Variants in REPS1 observed in about 807,000 individuals in gnomAD.
The protein encoded by REPS1 is ralBP1-associated Eps domain-containing protein 1.
A neutral mutation model predicts 100.9 loss-of-function variants in REPS1; 39 were observed. The ratio of observed to expected loss-of-function variants is 0.39; its 90% CI spans 0.30 to 0.50. REPS1 has a LOEUF of 0.50. REPS1 is among the 20% of genes least tolerant of loss of function. The pLI is 0.86. For synonymous variants in REPS1, 324 were observed against 340.3 expected (o/e 0.95, Z 0.53); for missense variants, 821 against 968.5 (o/e 0.85, Z 2.02).
chr6:138,962,244 G>A (rs1014471269), intron 1 of REPS1, among the ~76,000 whole-genome samples: 1 of 151,914 alleles, frequency 6.6e-6, no homozygotes, highest in Admixed American at 6.6e-5. Context: ...GGGAAAGAAG[G>A]GTAAAACCAA....
intron 9 of REPS1, chr6:138,928,732 TTAATG>T (rs1431387113): frequency 6.6e-6 from 1 of 152,230 alleles, no homozygotes; most frequent in Admixed American, 6.5e-5. Context: ...AAATATTCTT[TTAATG>T]TAATACTGGT....
rs772632131 is a variant in REPS1, at chr6:138,945,594, A to G, written c.381T>C (p.Ser127=). The change falls in exon 3 of 20, where the codon TCT becomes TCC. Residue 127 remains serine (S), a synonymous_variant. Transcript: ENST00000450536. Reference sequence around the variant, plus strand: ...TGCCAGGTGGTGGGGGAATTACACCAGAATACGACCCTTGATTTTCAGAAT... The same window carrying G: ...TGCCAGGTGGTGGGGGAATTACACCGGAATACGACCCTTGATTTTCAGAAT... ...SSDSENQGSY[S]GVIPPPPGRG... The G allele has an allele frequency of 2.5e-6, 4 of 1,613,820 alleles. No homozygotes were observed. Among genetic ancestry groups the G allele is most frequent in the Non-Finnish European group, 3.4e-6 (4 of 1,179,902 alleles).
chr6:138,916,353 TG>T (rs1780395157), intron 13 of REPS1: 1 of 214,798 alleles, frequency 4.7e-6, no homozygotes, highest in Admixed American at 6.2e-5. Flanking sequence ...CCCAAGTAAC[TG>T]GGATTACAGG....
At chr6:138,927,991 G>C (rs563391435) in intron 9 of REPS1, 1 of 152,164 alleles carries the variant, frequency 6.6e-6, no homozygotes, top group Non-Finnish European at 1.5e-5. Flanking sequence ...TGGGTGGCAT[G>C]AAGTTTAACT....
intron 1 of REPS1, among the ~76,000 whole-genome samples, chr6:138,950,311 G>A (rs934135091): frequency 3.3e-5 from 5 of 151,682 alleles, no homozygotes; most frequent in Non-Finnish European, 5.9e-5. Flanking sequence ...TCATCTATAC[G>A]AAAAAAAATT....
chr6:138,947,425 TGAA>T (rs937453526), intron 2 of REPS1, among the ~76,000 whole-genome samples: 1 of 152,184 alleles, frequency 6.6e-6, no homozygotes, highest in Non-Finnish European at 1.5e-5. Context: ...TTATTGGAAA[TGAA>T]GAACACAGGG....
chr6:138,977,147 A>G (rs1784641857), intron 1 of REPS1, among the ~76,000 whole-genome samples: 1 of 152,240 alleles, frequency 6.6e-6, no homozygotes, highest in Admixed American at 6.5e-5. Context: ...TATACAGTGT[A>G]TAGAGCACTA....
At chr6:138,944,056 C>T in intron 5 of REPS1, 41 bp from the exon 6 acceptor site, 1 of 1,582,544 alleles carries the variant, frequency 6.3e-7, no homozygotes, top group Non-Finnish European at 8.7e-7. Flanking sequence ...TATCTACCTA[C>T]ATGATTATAT....
intron 8 of REPS1, among the ~76,000 whole-genome samples, chr6:138,936,729 C>T (rs1188887): frequency 0.61 from 91,806 of 151,536 alleles, 28,216 homozygotes; most frequent in Non-Finnish European, 0.66. Context: ...ATCTGAATAA[C>T]GAATTTTCAA....
chr6:138,955,461 T>TAA (rs1783324761), intron 1 of REPS1, among the ~76,000 whole-genome samples: 4 of 137,328 alleles, frequency 2.9e-5, no homozygotes, highest in African/African-American at 8.3e-5. Flanking sequence ...AAAAAAAGTG[T>TAA]GTGTGTGTGT....
intron 16 of REPS1, 40 bp from the exon 17 acceptor site, chr6:138,911,411 C>A: frequency 8.0e-7 from 1 of 1,252,980 alleles, no homozygotes; most frequent in South Asian, 1.2e-5. Flanking sequence ...TTCTACATAA[C>A]ATGTAATTAT....
At chr6:138,914,302 G>A (rs557081442) in intron 15 of REPS1, among the ~76,000 whole-genome samples, 1 of 152,096 alleles carries the variant, frequency 6.6e-6, no homozygotes, top group Non-Finnish European at 1.5e-5. Flanking sequence ...GGAACTCCTG[G>A]GCTTGAGAAA....
chr6:138,976,987 G>C (rs1037577632), intron 1 of REPS1, among the ~76,000 whole-genome samples: 3 of 152,156 alleles, frequency 2.0e-5, no homozygotes, highest in Non-Finnish European at 4.4e-5. Flanking sequence ...TATGTAAGCA[G>C]TACACAGTCC....
chr6:138,916,018 T>TCA (rs1562515617), intron 13 of REPS1, 42 bp from the exon 14 acceptor site: 1 of 1,400,600 alleles, frequency 7.1e-7, no homozygotes, highest in South Asian at 1.2e-5. Flanking sequence ...ACTACTGATA[T>TCA]CAGAGCTTTT....
chr6:138,911,017 C>A, intron 17 of REPS1: 1 of 277,280 alleles, frequency 3.6e-6, no homozygotes, highest in Non-Finnish European at 6.7e-6. Flanking sequence ...TGAATTTCAC[C>A]TATAAAGAAG....
At chr6:138,930,712 C>T (rs1317923093) in intron 8 of REPS1, among the ~76,000 whole-genome samples, 1 of 152,024 alleles carries the variant, frequency 6.6e-6, no homozygotes, top group Non-Finnish European at 1.5e-5. Flanking sequence ...CTACAAATCT[C>T]CCTTGTTAAC....
intron 16 of REPS1, among the ~76,000 whole-genome samples, chr6:138,912,451 A>T (rs1325200464): frequency 1.3e-5 from 2 of 152,188 alleles, no homozygotes; most frequent in African/African-American, 4.8e-5. Flanking sequence ...GCCTCTTATG[A>T]CAGGGAAATC....
At chr6:138,969,859 ATT>A (rs56070030) in intron 1 of REPS1, among the ~76,000 whole-genome samples, 16,823 of 92,750 alleles carry the variant, frequency 0.18, 943 homozygotes, top group African/African-American at 0.27. Context: ...GTGAATTGGG[ATT>A]TTTTTTTTTT....
At chr6:138,965,856 T>A (rs1403976536) in intron 1 of REPS1, among the ~76,000 whole-genome samples, 1 of 152,194 alleles carries the variant, frequency 6.6e-6, no homozygotes, top group Non-Finnish European at 1.5e-5. Context: ...TTTCTTACAT[T>A]GAAACTTGAT....
Sources: gnomAD v4.1 joint callset for allele counts (sites outside exome capture counted in the v4.1 genomes callset) on GRCh38, gnomAD v4.1.1 for gene constraint, MANE v1.5 for transcripts, NCBI Gene and HGNC (gene_info 2026-07-23, HGNC 2026-07-21) for gene names.